The following SNX29 variants were observed in gnomAD, a reference collection of about 807,000 sequenced individuals.
SNX29 encodes the protein sorting nexin 29.
A neutral mutation model predicts 102.1 loss-of-function variants in SNX29; 78 were observed. That is an observed-to-expected ratio of 0.76 (90% CI 0.64 to 0.92). SNX29 has a LOEUF of 0.92. Among genes scored for constraint, SNX29 ranks in the 40% least tolerant of loss-of-function variants. SNX29 has a pLI of 0.00. For missense variants in SNX29, 1,280 were observed against 1,061.7 expected (o/e 1.21, Z -2.86); for synonymous variants, 580 against 414.5 (o/e 1.40, Z -4.85).
At chr16:12,567,331 G>C (rs2079053734) in intron 20 of SNX29, among the ~76,000 whole-genome samples, 1 of 152,124 alleles carries the variant, frequency 6.6e-6, no homozygotes, top group Non-Finnish European at 1.5e-5. Context: ...GGACGCAGGA[G>C]TGGACATGGA....
At chr16:12,443,942 G>T (rs1289218008) in intron 18 of SNX29, among the ~76,000 whole-genome samples, 1 of 152,092 alleles carries the variant, frequency 6.6e-6, no homozygotes, top group Non-Finnish European at 1.5e-5. Flanking sequence ...TAAGCACTCA[G>T]TATAGCATCT....
intron 14 of SNX29, among the ~76,000 whole-genome samples, chr16:12,213,682 A>G (rs1279043538): frequency 6.6e-6 from 1 of 152,170 alleles, no homozygotes; most frequent in African/African-American, 2.4e-5. Flanking sequence ...AATTAAGATG[A>G]GAATTATAGA....
At chr16:12,561,387 A>G (rs1489951253) in intron 20 of SNX29, among the ~76,000 whole-genome samples, 4 of 152,158 alleles carry the variant, frequency 2.6e-5, no homozygotes, top group African/African-American at 9.7e-5. Flanking sequence ...GATGCTGGCC[A>G]CATCCCCGCC....
At chr16:12,447,410 G>C (rs1441442682) in intron 18 of SNX29, among the ~76,000 whole-genome samples, 1 of 152,126 alleles carries the variant, frequency 6.6e-6, no homozygotes. Flanking sequence ...CTGGTGTCCA[G>C]CCTAATCCTG....
At chr16:12,242,768 C>G (rs1420525849) in intron 14 of SNX29, among the ~76,000 whole-genome samples, 1 of 152,046 alleles carries the variant, frequency 6.6e-6, no homozygotes, top group African/African-American at 2.4e-5. Flanking sequence ...ATCCTCCCAC[C>G]TCAGCCCCAC....
At chr16:12,309,786 G>A (rs969143608) in intron 15 of SNX29, among the ~76,000 whole-genome samples, 1 of 152,142 alleles carries the variant, frequency 6.6e-6, no homozygotes, top group Non-Finnish European at 1.5e-5. Context: ...GAATTGGAAG[G>A]GTTTCCTTTA....
chr16:12,064,338 C>T (rs1053637127), intron 9 of SNX29, among the ~76,000 whole-genome samples: 1 of 152,176 alleles, frequency 6.6e-6, no homozygotes, highest in Non-Finnish European at 1.5e-5. Flanking sequence ...CTTTCTGTAG[C>T]AAGTGTGTCC....
chr16:12,399,860 C>T (rs2083872840), intron 17 of SNX29, among the ~76,000 whole-genome samples: 1 of 151,920 alleles, frequency 6.6e-6, no homozygotes, highest in African/African-American at 2.4e-5. Context: ...TGAAGAGGCT[C>T]CTGGAACGGC....
chr16:12,112,889 C>G (rs2053554810), intron 11 of SNX29, among the ~76,000 whole-genome samples: 1 of 152,188 alleles, frequency 6.6e-6, no homozygotes, highest in African/African-American at 2.4e-5. Flanking sequence ...AATATTTCCC[C>G]TGTATTCCAC....
intron 15 of SNX29, among the ~76,000 whole-genome samples, chr16:12,285,452 G>C (rs1235126239): frequency 6.6e-6 from 1 of 152,148 alleles, no homozygotes; most frequent in Admixed American, 6.5e-5. Flanking sequence ...AATTTTTCTT[G>C]TGGGTAAAAT....
At chr16:12,219,009 T>C (rs879381297) in intron 14 of SNX29, among the ~76,000 whole-genome samples, 16 of 151,936 alleles carry the variant, frequency 1.1e-4, no homozygotes, top group South Asian at 2.1e-4. Context: ...CTCCTGACCT[T>C]GTGATCTGCC....
intron 14 of SNX29, among the ~76,000 whole-genome samples, chr16:12,241,077 TG>T (rs1321048237): frequency 6.6e-6 from 1 of 152,182 alleles, no homozygotes; most frequent in Admixed American, 6.5e-5. Context: ...TTGCTTTTCT[TG>T]AAAAAATTAG....
intron 19 of SNX29, among the ~76,000 whole-genome samples, chr16:12,491,558 T>C (rs1410684936): frequency 6.6e-6 from 1 of 152,218 alleles, no homozygotes; most frequent in Non-Finnish European, 1.5e-5. Context: ...CTTTAAGTTT[T>C]AGGGTACATG....
chr16:12,297,913 T>C lies in SNX29; in HGVS notation c.1782+19877T>C, dbSNP rs144050560. Among the ~76,000 whole-genome samples the C allele has an allele frequency of 5.6e-4, 86 of 152,306 alleles. No individual in the cohort carries two copies. In the East Asian group the frequency reaches 8.7e-3, roughly 15 times the overall value. ...GGCCAGGCGCTGTGGCTCATACCTGTAATCCCAGCACTTTAGGAGGCCCAG... is the reference window on the plus strand; with the variant it reads ...GGCCAGGCGCTGTGGCTCATACCTGCAATCCCAGCACTTTAGGAGGCCCAG... On this transcript the variant is annotated intron_variant, in intron 15 of 20. Transcript: ENST00000566228.
chr16:12,398,252 T>C (rs1345731470), intron 16 of SNX29, among the ~76,000 whole-genome samples, 194 bp from the exon 17 acceptor site: 1 of 152,218 alleles, frequency 6.6e-6, no homozygotes, highest in Non-Finnish European at 1.5e-5. Context: ...TGGTGGCATA[T>C]TTTTATTGCT....
intron 19 of SNX29, among the ~76,000 whole-genome samples, chr16:12,478,987 T>G (rs977331049): frequency 6.6e-6 from 1 of 152,158 alleles, no homozygotes; most frequent in Non-Finnish European, 1.5e-5. Context: ...GCCATGACCT[T>G]TCTCAGGATG....
chr16:12,569,448 C>G lies in SNX29; in HGVS notation c.*819C>G, dbSNP rs1197790337. On this transcript the variant is annotated 3_prime_UTR_variant, in exon 21 of 21. Transcript: ENST00000566228. ...CAGCGTGTCCAAAGTAGCATTGGCC[C>G]TACAGTCATGAGAGACTTGGGTCAG... 8.7e-6 allele frequency: 2 copies of G among 231,042 alleles called. No individual in the cohort carries two copies. The highest frequency in any genetic ancestry group is 4.4e-5 in the African/African-American group (2 of 45,220). 14.3% of individuals were successfully genotyped at this position (231,042 alleles called of 1,614,324 possible). A position where few individuals can be genotyped will look rare whatever the true frequency, so the allele number is the denominator to read the frequency against.
At chr16:12,153,574 A>G (rs1003152759) in intron 13 of SNX29, among the ~76,000 whole-genome samples, 1 of 151,746 alleles carries the variant, frequency 6.6e-6, no homozygotes, top group Non-Finnish European at 1.5e-5. Flanking sequence ...CCTGGGTTCA[A>G]GACATTCTCC....
chr16:12,021,809 C>T (rs1019925711), intron 3 of SNX29, among the ~76,000 whole-genome samples: 4 of 151,350 alleles, frequency 2.6e-5, no homozygotes, highest in African/African-American at 7.3e-5. Flanking sequence ...AGGATAATCT[C>T]GAACGTGGGT....
Sources: gnomAD v4.1 joint callset for allele counts (sites outside exome capture counted in the v4.1 genomes callset) on GRCh38, gnomAD v4.1.1 for gene constraint, MANE v1.5 for transcripts, NCBI Gene and HGNC (gene_info 2026-07-23, HGNC 2026-07-21) for gene names.